The following SNX24 variants were observed in gnomAD, a reference collection of about 807,000 sequenced individuals.
SNX24 encodes sorting nexin 24.
In SNX24, 22 loss-of-function variants were observed where a neutral mutation model predicts 28.7. The ratio of observed to expected loss-of-function variants is 0.77; its 90% CI spans 0.55 to 1.10. The LOEUF is 1.10. Among genes scored for constraint, SNX24 ranks in the 50% least tolerant of loss-of-function variants. SNX24 has a pLI of 0.00. For missense variants in SNX24, 221 were observed against 201.1 expected (o/e 1.10, Z -0.60); for synonymous variants, 69 against 71.5 (o/e 0.96, Z 0.18).
At chr5:122,865,371 C>A (rs1755667952) in intron 1 of SNX24, among the ~76,000 whole-genome samples, 1 of 152,192 alleles carries the variant, frequency 6.6e-6, no homozygotes, top group African/African-American at 2.4e-5. Context: ...TGCTCTGTTG[C>A]CCAGGCTAGA....
At chr5:122,942,456 C>T (rs902315229) in intron 2 of SNX24, among the ~76,000 whole-genome samples, 1 of 152,178 alleles carries the variant, frequency 6.6e-6, no homozygotes, top group African/African-American at 2.4e-5. Context: ...CCAAGTGTTT[C>T]CCGCTTCTTT....
chr5:123,028,914 T>C, intron 5 of SNX24: 1 of 1,461,814 alleles, frequency 6.8e-7, no homozygotes, highest in Non-Finnish European at 9.6e-7. Context: ...GAGGCCATAC[T>C]GAAAGATAAA....
At chr5:123,003,260 T>C (rs1762309850) in intron 6 of SNX24, among the ~76,000 whole-genome samples, 1 of 152,188 alleles carries the variant, frequency 6.6e-6, no homozygotes, top group Non-Finnish European at 1.5e-5. Flanking sequence ...AGCACCCCGA[T>C]CAGAGTGAGC....
At chr5:123,023,728 T>A in intron 5 of SNX24, 1 of 1,260,530 alleles carries the variant, frequency 7.9e-7, no homozygotes. Flanking sequence ...ACGGTTTGAT[T>A]TTTATAACTT....
At chr5:122,907,389 T>G (rs766578126) in intron 1 of SNX24, among the ~76,000 whole-genome samples, 3 of 152,068 alleles carry the variant, frequency 2.0e-5, no homozygotes, top group African/African-American at 4.8e-5. Flanking sequence ...GGGGGAACAC[T>G]CCCTCCTCAA....
At chr5:122,968,810 G>T (rs543270700) in intron 3 of SNX24, among the ~76,000 whole-genome samples, 27 of 151,760 alleles carry the variant, frequency 1.8e-4, no homozygotes, top group Admixed American at 4.6e-4. Context: ...ACCAGTAATA[G>T]ATACAATAAA....
At chr5:122,909,554 G>T (rs970480390) in intron 1 of SNX24, among the ~76,000 whole-genome samples, 1 of 152,164 alleles carries the variant, frequency 6.6e-6, no homozygotes, top group African/African-American at 2.4e-5. Context: ...ACCCAAGCAT[G>T]TGTATACCCG....
chr5:122,863,242 C>A (rs1008271396), intron 1 of SNX24, among the ~76,000 whole-genome samples: 1 of 151,886 alleles, frequency 6.6e-6, no homozygotes, highest in Non-Finnish European at 1.5e-5. Context: ...ACATTGGAAC[C>A]GGGACCTGAA....
At chr5:122,931,582 C>T (rs1180631206) in intron 1 of SNX24, among the ~76,000 whole-genome samples, 1 of 151,848 alleles carries the variant, frequency 6.6e-6, no homozygotes, top group Admixed American at 6.6e-5. Context: ...GCATCTTGTT[C>T]TAATGAACAA....
chr5:123,020,709 G>A (rs1439824938), intron 5 of SNX24, among the ~76,000 whole-genome samples: 4 of 152,216 alleles, frequency 2.6e-5, no homozygotes, highest in African/African-American at 7.2e-5. Context: ...TTTACGCAGC[G>A]AAAAGCTAAG....
At chr5:123,000,221 C>T (rs536982264) in intron 4 of SNX24, among the ~76,000 whole-genome samples, 20 of 152,308 alleles carry the variant, frequency 1.3e-4, no homozygotes, top group African/African-American at 4.8e-4. Flanking sequence ...GGTTCGGTAA[C>T]CCATGTTTAG....
chr5:122,891,601 T>A (rs1000947359), intron 1 of SNX24, among the ~76,000 whole-genome samples: 14 of 152,202 alleles, frequency 9.2e-5, no homozygotes, highest in African/African-American at 3.1e-4. Context: ...TTTCCACACT[T>A]CCTGCTCTTT....
In SNX24 at chr5:122,979,867, G is replaced by A. The variant is rs113915453; in HGVS notation, c.250-20045G>A. Among the ~76,000 whole-genome samples the A allele has an allele frequency of 4.3e-3, 656 of 152,146 alleles. 5 individuals are homozygous for A. The highest frequency in any genetic ancestry group is 0.015 in the African/African-American group (621 of 41,500). On this transcript the variant is annotated intron_variant, in intron 3 of 6. Coordinates refer to ENST00000261369, the MANE Select transcript of SNX24 (RefSeq NM_014035.4). The stretch of plus-strand genomic sequence containing the variant: ...GTTGTGCCATCTCCATTTATTCAGC[G>A]GTCCACCCGAATCTTTTGTTAGCAA...
intron 1 of SNX24, among the ~76,000 whole-genome samples, chr5:122,926,180 G>A (rs1160635884): frequency 1.3e-5 from 2 of 152,204 alleles, no homozygotes; most frequent in Non-Finnish European, 2.9e-5. Context: ...TGAACAGAAT[G>A]AGGGAGAAGC....
intron 1 of SNX24, among the ~76,000 whole-genome samples, chr5:122,917,851 T>C (rs957382685): frequency 5.3e-5 from 8 of 151,892 alleles, no homozygotes; most frequent in African/African-American, 1.9e-4. Context: ...GAGGCCGAGG[T>C]GGGCGGATCA....
intron 1 of SNX24, among the ~76,000 whole-genome samples, chr5:122,881,765 AATT>A (rs971449251): frequency 3.3e-5 from 5 of 149,742 alleles, no homozygotes; most frequent in African/African-American, 1.2e-4. Context: ...GTATATATAA[AATT>A]ATGATAAATA....
chr5:122,850,164 G>C (rs1241184989), intron 1 of SNX24, among the ~76,000 whole-genome samples: 3 of 152,228 alleles, frequency 2.0e-5, no homozygotes, highest in African/African-American at 7.2e-5. Context: ...CAACTGGGTA[G>C]TTTATAAACC....
intron 3 of SNX24, among the ~76,000 whole-genome samples, chr5:122,968,311 C>A (rs1760804152): frequency 6.6e-6 from 1 of 152,198 alleles, no homozygotes; most frequent in East Asian, 1.9e-4. Flanking sequence ...CATGCCACTG[C>A]ACTTCAGCCT....
At chr5:122,897,927 C>T (rs10040512) in intron 1 of SNX24, among the ~76,000 whole-genome samples, 54,521 of 151,988 alleles carry the variant, frequency 0.36, 10,469 homozygotes, top group African/African-American at 0.47. Flanking sequence ...TCTGTTGCTT[C>T]TTGGGGGAAA....
Sources: allele counts gnomAD v4.1 joint callset (sites outside exome capture counted in the v4.1 genomes callset), GRCh38; gene constraint gnomAD v4.1.1; transcripts MANE v1.5; gene names NCBI Gene and HGNC (gene_info 2026-07-23, HGNC 2026-07-21).